PSD2: variants seen among roughly 807,000 people sequenced by gnomAD.
PSD2 encodes PH and SEC7 domain-containing protein 2.
A neutral mutation model predicts 69.8 loss-of-function variants in PSD2; 38 were observed. The ratio of observed to expected loss-of-function variants is 0.54; its 90% CI spans 0.42 to 0.71. The LOEUF (loss-of-function observed/expected upper bound fraction) is 0.71. Among genes scored for constraint, PSD2 ranks in the 30% least tolerant of loss-of-function variants. The probability of loss-of-function intolerance (pLI) is 0.00; values close to 1 mark genes in which losing one functional copy is unlikely to be tolerated. For synonymous variants in PSD2, 412 were observed against 423.0 expected (o/e 0.97, Z 0.32); for missense variants, 943 against 1,014.5 (o/e 0.93, Z 0.96).
Position 139,809,817 on chromosome 5 carries a change from T to G in PSD2, c.371+6T>G. 6.2e-7 allele frequency: 1 copy of G among 1,613,358 alleles called. No individual in the cohort carries two copies. Among genetic ancestry groups the G allele is most frequent in the Non-Finnish European group, 8.5e-7 (1 of 1,179,850 alleles). On this transcript the variant is annotated splice_donor_region_variant and intron_variant, in intron 2 of 14. Transcript: ENST00000274710. Reference sequence around the variant, plus strand: ...GCTGAGGACCCTCAGCTGGGGTGAGTGGATGTCTTGGGATGGGAGCTCACC... The same window carrying G: ...GCTGAGGACCCTCAGCTGGGGTGAGGGGATGTCTTGGGATGGGAGCTCACC...
the PSD2 span, among the ~76,000 whole-genome samples, chr5:139,774,205 G>A: frequency 6.6e-6 from 1 of 152,118 alleles, no homozygotes; most frequent in Admixed American, 6.6e-5. Context: ...AATGGAGGGT[G>A]GGGAGCCTCT....
chr5:139,751,642 T>C, the PSD2 span, among the ~76,000 whole-genome samples: 1 of 152,204 alleles, frequency 6.6e-6, no homozygotes, highest in African/African-American at 2.4e-5. Context: ...TAATAGTGCG[T>C]GTTTCACAGT....
At position 139,837,107 on chromosome 5, in the gene PSD2, G is replaced by T; in HGVS notation, c.1595-61G>T. On this transcript the variant is annotated intron_variant, in intron 10 of 14. Coordinates refer to ENST00000274710, the MANE Select transcript of PSD2 (RefSeq NM_032289.4). The surrounding 1 kb of genome is among the most constrained non-coding windows in gnomAD (Gnocchi z 5.0). The stretch of plus-strand genomic sequence containing the variant: ...CATACAGGTGGACACGTAGTGGGAG[G>T]TGGGGTTGGAGAGACTGCAGAGGGT... 9 of 1,603,398 alleles carry T rather than the reference G, an allele frequency of 5.6e-6. No individual in the cohort carries two copies. Among genetic ancestry groups the T allele is most frequent in the Non-Finnish European group, 7.7e-6 (9 of 1,172,128 alleles).
intron 1 of PSD2, among the ~76,000 whole-genome samples, chr5:139,800,798 C>G (rs777815654): frequency 2.2e-4 from 33 of 152,218 alleles, no homozygotes; most frequent in Admixed American, 5.9e-4. Flanking sequence ...ATCCTGGCCT[C>G]TTGTGTCTGC....
chr5:139,836,660 G>T, intron 9 of PSD2, 151 bp from the exon 10 acceptor site: 1 of 646,264 alleles, frequency 1.5e-6, no homozygotes, highest in Non-Finnish European at 2.7e-6. Context: ...TGGATCTGTG[G>T]TCTGGAATTG....
At chr5:139,808,630 G>C (rs1395640317) in intron 1 of PSD2, among the ~76,000 whole-genome samples, 1 of 152,166 alleles carries the variant, frequency 6.6e-6, no homozygotes, top group Non-Finnish European at 1.5e-5. Context: ...AGCTCTGATG[G>C]GGGCCCGGGA....
intron 4 of PSD2, among the ~76,000 whole-genome samples, chr5:139,815,317 C>CTAA (rs1156986982): frequency 1.3e-5 from 2 of 152,192 alleles, no homozygotes; most frequent in African/African-American, 2.4e-5. Flanking sequence ...ACCCCCAAAC[C>CTAA]TAACGCCATC....
chr5:139,748,019 G>T, the PSD2 span, among the ~76,000 whole-genome samples: 1 of 152,238 alleles, frequency 6.6e-6, no homozygotes. Flanking sequence ...AGGCGGTAAT[G>T]AGGTCACCGT....
intron 4 of PSD2, among the ~76,000 whole-genome samples, chr5:139,816,008 A>G (rs1251385436): frequency 2.6e-5 from 4 of 151,364 alleles, no homozygotes; most frequent in Non-Finnish European, 5.9e-5. Context: ...AAAAAAAAAA[A>G]AAAAAAAAGA....
the PSD2 span, among the ~76,000 whole-genome samples, chr5:139,789,990 GGGCCGGGC>G: frequency 2.0e-5 from 3 of 147,632 alleles, no homozygotes; most frequent in African/African-American, 7.4e-5. Context: ...GAGCAGCACG[GGGCCGGGC>G]GGGCGCTGAG....
the PSD2 span, among the ~76,000 whole-genome samples, chr5:139,766,979 TTC>T: frequency 6.8e-5 from 10 of 146,364 alleles, no homozygotes; most frequent in Non-Finnish European, 1.2e-4. Context: ...CTTTCTTTCT[TTC>T]TTTCTTTCTT....
chr5:139,833,533 T>G (rs961252429), intron 7 of PSD2, among the ~76,000 whole-genome samples, 169 bp from the exon 8 acceptor site: 2 of 152,182 alleles, frequency 1.3e-5, no homozygotes, highest in African/African-American at 4.8e-5. Context: ...CAGTTCTGAC[T>G]GTGAGAAAGA....
intron 7 of PSD2, among the ~76,000 whole-genome samples, chr5:139,826,666 C>T (rs1038771049): frequency 2.6e-5 from 4 of 152,206 alleles, no homozygotes; most frequent in Non-Finnish European, 4.4e-5. Context: ...TCACAAAAAA[C>T]GTAACACCCA....
At chr5:139,778,280 A>G in the PSD2 span, among the ~76,000 whole-genome samples, 5 of 152,248 alleles carry the variant, frequency 3.3e-5, no homozygotes, top group African/African-American at 1.2e-4. Flanking sequence ...GCTAGTCACA[A>G]TAAGGAGACA....
chr5:139,765,324 C>T, the PSD2 span, among the ~76,000 whole-genome samples: 3 of 152,176 alleles, frequency 2.0e-5, no homozygotes, highest in Non-Finnish European at 4.4e-5. Flanking sequence ...CCAGCGCCCT[C>T]TTTCCAGTTT....
chr5:139,795,063 G>A (rs574128376), upstream of PSD2, among the ~76,000 whole-genome samples: 1 of 152,232 alleles, frequency 6.6e-6, no homozygotes, highest in South Asian at 2.1e-4. This position sits in a 1 kb window ranked among gnomAD's most constrained non-coding sequence, Gnocchi z 4.5. Context: ...TGCCCAGGGA[G>A]GCTTCCCCTT....
the PSD2 span, among the ~76,000 whole-genome samples, chr5:139,789,116 A>G: frequency 6.6e-6 from 1 of 152,162 alleles, no homozygotes; most frequent in Non-Finnish European, 1.5e-5. Context: ...TGGGCCTGTC[A>G]GGGTTGCGGC....
At chr5:139,745,861 A>G in the PSD2 span, among the ~76,000 whole-genome samples, 91 of 152,202 alleles carry the variant, frequency 6.0e-4, no homozygotes, top group African/African-American at 2.0e-3. Context: ...TGATGGTACC[A>G]CCCACACTGT....
At chr5:139,784,831 T>C in the PSD2 span, among the ~76,000 whole-genome samples, 1 of 152,074 alleles carries the variant, frequency 6.6e-6, no homozygotes. Flanking sequence ...TCTGGCTCAC[T>C]GCAACCTCCG....
Sources: gnomAD v4.1 joint callset for allele counts (sites outside exome capture counted in the v4.1 genomes callset) on GRCh38, gnomAD v4.1.1 for gene constraint, Gnocchi (gnomAD v3.1) non-coding constraint, MANE v1.5 for transcripts, NCBI Gene and HGNC (gene_info 2026-07-23, HGNC 2026-07-21) for gene names.